The following CFAP96 variants were observed in gnomAD, a reference collection of about 807,000 sequenced individuals.
CFAP96 encodes the protein cilia-and flagella-associated protein 96.
the CFAP96 span, among the ~76,000 whole-genome samples, chr4:185,417,302 G>A: frequency 6.6e-6 from 1 of 152,164 alleles, no homozygotes; most frequent in African/African-American, 2.4e-5. Flanking sequence ...CCAATTACTG[G>A]TAATTTTCAA....
At chr4:185,422,366 C>T in the CFAP96 span, 1 of 769,352 alleles carries the variant, frequency 1.3e-6, no homozygotes, top group South Asian at 1.7e-5. Context: ...AATGTACTTA[C>T]TAACAATATA....
the CFAP96 span, chr4:185,445,424 G>T: frequency 1.1e-4 from 107 of 1,005,394 alleles, no homozygotes; most frequent in Non-Finnish European, 1.5e-4. Context: ...AGATGAGTTA[G>T]ATATGCATAG....
chr4:185,408,921 C>G, the CFAP96 span, among the ~76,000 whole-genome samples: 4 of 152,112 alleles, frequency 2.6e-5, no homozygotes, highest in Non-Finnish European at 4.4e-5. Flanking sequence ...TCTCTGTCCT[C>G]TTTATGTTTT....
the CFAP96 span, among the ~76,000 whole-genome samples, chr4:185,414,504 C>T: frequency 1.3e-5 from 2 of 152,154 alleles, no homozygotes; most frequent in Admixed American, 1.3e-4. Context: ...GTAGCTATTG[C>T]TTCTACAAAC....
chr4:185,429,264 T>C, the CFAP96 span: 1 of 505,546 alleles, frequency 2.0e-6, no homozygotes, highest in East Asian at 3.5e-5. Flanking sequence ...TGAAAGTAAT[T>C]AGAACTGGAA....
the CFAP96 span, among the ~76,000 whole-genome samples, chr4:185,443,735 CTTAT>C: frequency 1.3e-5 from 2 of 151,866 alleles, no homozygotes; most frequent in African/African-American, 4.8e-5. Context: ...TAGCTATGAA[CTTAT>C]TTTTTAAAGC....
the CFAP96 span, among the ~76,000 whole-genome samples, chr4:185,412,381 C>T: frequency 6.6e-6 from 1 of 152,160 alleles, no homozygotes; most frequent in Non-Finnish European, 1.5e-5. Flanking sequence ...CTCTAATGAC[C>T]AAGACCACAA....
the CFAP96 span, among the ~76,000 whole-genome samples, chr4:185,433,940 T>G: frequency 6.6e-6 from 1 of 151,220 alleles, no homozygotes; most frequent in Non-Finnish European, 1.5e-5. Flanking sequence ...GGATTTTCGG[T>G]GGGTGCAGTG....
the CFAP96 span, chr4:185,418,669 T>C: frequency 8.7e-6 from 14 of 1,613,944 alleles, no homozygotes; most frequent in East Asian, 2.2e-5. Flanking sequence ...CTAGGCCATA[T>C]ATACACTGAA....
At chr4:185,420,950 TTATAG>T in the CFAP96 span, among the ~76,000 whole-genome samples, 1 of 152,260 alleles carries the variant, frequency 6.6e-6, no homozygotes, top group African/African-American at 2.4e-5. Context: ...TGGAATAAGA[TTATAG>T]TAAAGTATGT....
the CFAP96 span, among the ~76,000 whole-genome samples, chr4:185,417,246 GAC>G: frequency 6.6e-6 from 1 of 152,118 alleles, no homozygotes. Flanking sequence ...CAAAAGGAGG[GAC>G]AGTCTTAAAA....
the CFAP96 span, chr4:185,445,001 C>T: frequency 6.4e-7 from 1 of 1,551,504 alleles, no homozygotes. Flanking sequence ...GATCCTTACC[C>T]ATCACATTCT....
the CFAP96 span, chr4:185,425,772 G>A: frequency 6.5e-7 from 1 of 1,537,038 alleles, no homozygotes; most frequent in South Asian, 1.2e-5. Flanking sequence ...ACCCCGGCAG[G>A]ACCAGCTCCT....
the CFAP96 span, chr4:185,422,367 T>C: frequency 3.9e-6 from 3 of 775,580 alleles, no homozygotes; most frequent in Middle Eastern, 3.3e-4. Flanking sequence ...ATGTACTTAC[T>C]AACAATATAA....
chr4:185,426,745 T>C, the CFAP96 span, among the ~76,000 whole-genome samples: 7 of 151,950 alleles, frequency 4.6e-5, no homozygotes, highest in African/African-American at 1.7e-4. Flanking sequence ...AGTTAAGTAG[T>C]GGCGGGCCGG....
chr4:185,410,058 G>A, the CFAP96 span, among the ~76,000 whole-genome samples: 32 of 151,856 alleles, frequency 2.1e-4, no homozygotes, highest in South Asian at 2.1e-3. Flanking sequence ...ATTTTTTAGG[G>A]AACAAATACA....
At chr4:185,449,723 A>T in the CFAP96 span, 1 of 1,008,196 alleles carries the variant, frequency 9.9e-7, no homozygotes, top group East Asian at 2.8e-5. Context: ...AAAAAATATA[A>T]GATGTTATGG....
chr4:185,429,015 A>G, the CFAP96 span, among the ~76,000 whole-genome samples: 10 of 152,250 alleles, frequency 6.6e-5, no homozygotes, highest in Admixed American at 2.0e-4. Context: ...CAAAAGAAGG[A>G]TTTGTTTATA....
At chr4:185,442,338 C>T in the CFAP96 span, among the ~76,000 whole-genome samples, 11 of 152,044 alleles carry the variant, frequency 7.2e-5, no homozygotes, top group Non-Finnish European at 4.4e-5. Flanking sequence ...CCTTAACCTT[C>T]TATCTCCCTT....
Sources: gnomAD v4.1 joint callset for allele counts (sites outside exome capture counted in the v4.1 genomes callset) on GRCh38, gnomAD v4.1.1 for gene constraint, MANE v1.5 for transcripts, NCBI Gene and HGNC (gene_info 2026-07-23, HGNC 2026-07-21) for gene names.